PLEKHA5: variants seen among roughly 807,000 people sequenced by gnomAD.
The protein encoded by PLEKHA5 is pleckstrin homology domain containing A5, also known as pleckstrin homology domain-containing family A member 5.
Under a neutral mutation model 181.9 loss-of-function variants are expected in PLEKHA5, and 55 were observed. The observed-to-expected ratio is 0.30, with a 90% CI of 0.24 to 0.38. The LOEUF is 0.38. Ranked by LOEUF, PLEKHA5 falls within the 10% of genes least tolerant of loss-of-function variation. The probability of loss-of-function intolerance (pLI) is 1.00; values close to 1 mark genes in which losing one functional copy is unlikely to be tolerated. For synonymous variants in PLEKHA5, 535 were observed against 529.4 expected (o/e 1.01, Z -0.15); for missense variants, 1,432 against 1,549.5 (o/e 0.92, Z 1.27).
In PLEKHA5 at chr12:19,306,540, G is replaced by T. The variant is rs775969250; in HGVS notation, c.2038-8274G>T. 8.0e-6 allele frequency: 6 copies of T among 749,900 alleles called. No individual in the cohort carries two copies. In the South Asian group the frequency reaches 8.1e-5, roughly 10 times the overall value. 46.5% of individuals were successfully genotyped at this position (749,900 alleles called of 1,614,324 possible). On this transcript the variant is annotated intron_variant, in intron 15 of 31. Transcript: ENST00000429027. ...AGCAGGAGGGAGAACGCCGCGAGCA[G>T]CGCCGTGAGCAACACTACCATCGTC...
chr12:19,181,920 A>G (rs902532112), intron 3 of PLEKHA5, among the ~76,000 whole-genome samples: 1 of 152,194 alleles, frequency 6.6e-6, no homozygotes, highest in African/African-American at 2.4e-5. Flanking sequence ...CATCAGAAAT[A>G]AAACTGAGGA....
chr12:19,298,720 AAAAAT>A (rs1311277460), intron 15 of PLEKHA5, among the ~76,000 whole-genome samples: 4 of 152,082 alleles, frequency 2.6e-5, no homozygotes, highest in African/African-American at 9.7e-5. Flanking sequence ...GCTAAAGCAA[AAAAAT>A]AAAATAATTT....
At chr12:19,229,489 A>G (rs369448668) in intron 3 of PLEKHA5, among the ~76,000 whole-genome samples, 2 of 151,524 alleles carry the variant, frequency 1.3e-5, no homozygotes, top group South Asian at 2.1e-4. Flanking sequence ...TTAAGGTGGC[A>G]TGTCTGGAGT....
At chr12:19,234,583 G>A (rs1180526011) in intron 3 of PLEKHA5, among the ~76,000 whole-genome samples, 1 of 152,106 alleles carries the variant, frequency 6.6e-6, no homozygotes, top group Non-Finnish European at 1.5e-5. Flanking sequence ...TCGATGTATT[G>A]TTTTTCTCCT....
intron 3 of PLEKHA5, among the ~76,000 whole-genome samples, chr12:19,212,803 G>A (rs1367973850): frequency 6.7e-6 from 1 of 150,322 alleles, no homozygotes; most frequent in African/African-American, 2.4e-5. Context: ...TCAGAAAGAG[G>A]AAAACATGAT....
chr12:19,241,193 T>A (rs1205770840), intron 3 of PLEKHA5, among the ~76,000 whole-genome samples: 2 of 152,204 alleles, frequency 1.3e-5, no homozygotes, highest in East Asian at 3.9e-4. Context: ...TCAGCTGTTA[T>A]ATGGTGAGGA....
At chr12:19,363,311 A>T (rs1355578122) in intron 29 of PLEKHA5, among the ~76,000 whole-genome samples, 3 of 150,180 alleles carry the variant, frequency 2.0e-5, no homozygotes, top group African/African-American at 7.3e-5. Flanking sequence ...GTCACCACGC[A>T]TGGCTAATTT....
chr12:19,258,642 G>A (rs906377183), intron 6 of PLEKHA5, among the ~76,000 whole-genome samples: 2 of 139,680 alleles, frequency 1.4e-5, no homozygotes, highest in African/African-American at 2.6e-5. Context: ...TCAGCTCACC[G>A]CAACCTCTGC....
intron 22 of PLEKHA5, among the ~76,000 whole-genome samples, chr12:19,343,773 C>G (rs1304726995): frequency 6.6e-6 from 1 of 152,168 alleles, no homozygotes; most frequent in African/African-American, 2.4e-5. Flanking sequence ...TCAGCTCTGG[C>G]TGGGCACAGT....
At position 19,322,599 on chromosome 12, in the gene PLEKHA5, G is replaced by A; in HGVS notation, c.2380G>A (p.Val794Met). Residue 794 changes from valine to methionine, a missense_variant, in exon 20 of 32, where the codon GTG becomes ATG. Around this residue, in one of 2 missense-constraint regions of PLEKHA5, gnomAD observed 1,143 missense variants for 1,168.4 expected, o/e 0.98. Coordinates refer to ENST00000429027, the MANE Select transcript of PLEKHA5 (RefSeq NM_001256470.2). The part of the protein sequence containing the change: ...ADNPAAIQTV[V>M]LQRDDLQNGL... ...TAACCCAGCAGCCATTCAGACAGTG[G>A]TGTTACAAAGGGATGATTTACAAAA... 3 of 1,613,758 alleles carry A rather than the reference G, an allele frequency of 1.9e-6. No individual in the cohort carries two copies. Among genetic ancestry groups the A allele is most frequent in the Non-Finnish European group, 2.5e-6 (3 of 1,179,700 alleles).
intron 3 of PLEKHA5, among the ~76,000 whole-genome samples, chr12:19,155,057 G>T (rs143021339): frequency 6.6e-6 from 1 of 152,162 alleles, no homozygotes; most frequent in Non-Finnish European, 1.5e-5. Context: ...ACGTAGGAAG[G>T]AATACTACAG....
chr12:19,297,955 C>G (rs2080347174), intron 15 of PLEKHA5, among the ~76,000 whole-genome samples: 1 of 151,944 alleles, frequency 6.6e-6, no homozygotes, highest in East Asian at 1.9e-4. Flanking sequence ...CCTGTAATCC[C>G]AGCACTTTGG....
rs201060243 is a variant in PLEKHA5 at position 19,358,390 on chromosome 12, T to G, written c.3301T>G (p.Leu1101Val). ...NVIGASDQSP[L>V]QSPSNLRDNP... ...TATCGGTGCTTCAGACCAGTCACCC[T>G]TACAAAGCCCTTCAAATTTAAGGGA... The change falls in exon 27 of 32, where the codon TTA becomes GTA. Residue 1101 changes from leucine (L) to valine (V), a missense_variant. Physicochemically the swap from Leu to Val is conservative, Grantham distance 32. Around this residue, in one of 2 missense-constraint regions of PLEKHA5, gnomAD observed 1,143 missense variants for 1,168.4 expected, o/e 0.98. Coordinates refer to ENST00000429027, the MANE Select transcript of PLEKHA5 (RefSeq NM_001256470.2). The G allele has an allele frequency of 7.7e-5, 125 of 1,613,586 alleles. No individual in the cohort carries two copies. Among genetic ancestry groups the G allele is most frequent in the Non-Finnish European group, 1.0e-4 (123 of 1,179,722 alleles).
At chr12:19,244,095 G>C (rs1337160990) in intron 3 of PLEKHA5, among the ~76,000 whole-genome samples, 1 of 152,002 alleles carries the variant, frequency 6.6e-6, no homozygotes, top group Non-Finnish European at 1.5e-5. Context: ...TACTTGACTA[G>C]CATAGGCTGA....
chr12:19,292,548 A>C (rs188000107), intron 15 of PLEKHA5, among the ~76,000 whole-genome samples: 1 of 152,342 alleles, frequency 6.6e-6, no homozygotes, highest in African/African-American at 2.4e-5. Flanking sequence ...GGTCTTTGCC[A>C]ACGTGTGTAG....
At chr12:19,235,265 A>C (rs1229552258) in intron 3 of PLEKHA5, among the ~76,000 whole-genome samples, 1 of 152,150 alleles carries the variant, frequency 6.6e-6, no homozygotes, top group Non-Finnish European at 1.5e-5. Flanking sequence ...ATATGAAAGG[A>C]ATTTGTTTTA....
intron 11 of PLEKHA5, among the ~76,000 whole-genome samples, chr12:19,281,856 G>T (rs910593439): frequency 6.6e-6 from 1 of 151,834 alleles, no homozygotes; most frequent in Non-Finnish European, 1.5e-5. Flanking sequence ...ATCTTGTCTC[G>T]CTGCAAGCTC....
At chr12:19,374,100 A>G (rs2095653870) in intron 31 of PLEKHA5, among the ~76,000 whole-genome samples, 1 of 152,206 alleles carries the variant, frequency 6.6e-6, no homozygotes, top group Non-Finnish European at 1.5e-5. Context: ...TTTCTGAACT[A>G]GTGGTTTTGG....
chr12:19,153,296 T>C (rs1385754404), intron 3 of PLEKHA5: 1 of 152,140 alleles, frequency 6.6e-6, no homozygotes, highest in Non-Finnish European at 1.5e-5. Context: ...TCATTAAGAT[T>C]TTTTTTCTTT....
Sources: gnomAD v4.1 joint callset for allele counts (sites outside exome capture counted in the v4.1 genomes callset) on GRCh38, gnomAD v4.1.1 for gene constraint, gnomAD v4.1.1 regional missense constraint, MANE v1.5 for transcripts, NCBI Gene and HGNC (gene_info 2026-07-23, HGNC 2026-07-21) for gene names.